GABRR2: variants seen among roughly 807,000 people sequenced by gnomAD.
The protein encoded by GABRR2 is gamma-aminobutyric acid receptor subunit rho-2.
Under a neutral mutation model 47.0 loss-of-function variants are expected in GABRR2, and 36 were observed. That is an observed-to-expected ratio of 0.77 (90% CI 0.59 to 1.01). The LOEUF is 1.01. Ranked by LOEUF, GABRR2 falls within the 50% of genes least tolerant of loss-of-function variation. GABRR2 has a pLI of 0.00. For missense variants in GABRR2, 587 were observed against 594.6 expected (o/e 0.99, Z 0.13); for synonymous variants, 204 against 227.5 (o/e 0.90, Z 0.93).
At chr6:89,279,682 TAA>T (rs199765709) in intron 2 of GABRR2, among the ~76,000 whole-genome samples, 13 of 129,868 alleles carry the variant, frequency 1.0e-4, no homozygotes, top group Admixed American at 3.2e-4. Flanking sequence ...CAAAAAAAGT[TAA>T]AAAAAAAAAA....
chr6:89,269,025 C>G lies in GABRR2; in HGVS notation c.498G>C (p.Val166=), dbSNP rs955863014. The G allele has an allele frequency of 1.2e-6, 2 of 1,613,820 alleles. No homozygotes were observed. The part of the protein sequence containing the change: ...IMLRVFPDGH[V]LYSMRITVTA... Reference sequence around the variant, plus strand: ...CAGACAGCTACCTCATGCTGTACAGCACGTGTCCATCTGGGAACACCCTCA... The same window carrying G: ...CAGACAGCTACCTCATGCTGTACAGGACGTGTCCATCTGGGAACACCCTCA... Residue 166 remains valine (V), a synonymous_variant, in exon 4 of 9, where the codon GTG becomes GTC. Transcript: ENST00000402938.
intron 6 of GABRR2, among the ~76,000 whole-genome samples, chr6:89,266,771 C>A (rs895982850): frequency 6.6e-6 from 1 of 152,196 alleles, no homozygotes; most frequent in Admixed American, 6.5e-5. Context: ...CACAATAACT[C>A]TCCATTCCCC....
At chr6:89,267,970 C>T (rs1252971615) in intron 5 of GABRR2, 44 bp downstream of exon 5, 26 of 1,592,828 alleles carry the variant, frequency 1.6e-5, no homozygotes, top group Non-Finnish European at 2.2e-5. Context: ...GCACAAAGAT[C>T]AGAGAGGAAA....
chr6:89,280,932 C>G (rs1329399605), intron 2 of GABRR2, among the ~76,000 whole-genome samples: 1 of 152,256 alleles, frequency 6.6e-6, no homozygotes, highest in East Asian at 1.9e-4. Context: ...TCTCACAAGG[C>G]TTCGCCTTAG....
At chr6:89,312,941 C>T (rs761989098) in intron 1 of GABRR2, among the ~76,000 whole-genome samples, 11 of 152,212 alleles carry the variant, frequency 7.2e-5, no homozygotes, top group Non-Finnish European at 1.5e-4. Flanking sequence ...CAGGCTCATG[C>T]GCGGGTTTGG....
chr6:89,280,247 T>TATATATATATATATATAC (rs1271132149), intron 2 of GABRR2, among the ~76,000 whole-genome samples: 83 of 101,212 alleles, frequency 8.2e-4, no homozygotes, highest in East Asian at 2.0e-3. Flanking sequence ...TATATATATA[T>TATATATATATATATATAC]ATATATACAT....
intron 2 of GABRR2, among the ~76,000 whole-genome samples, chr6:89,285,433 G>A (rs930870302): frequency 2.0e-5 from 3 of 152,172 alleles, no homozygotes; most frequent in Non-Finnish European, 4.4e-5. Context: ...CATGGTGAGG[G>A]CCGGCTCCTA....
chr6:89,271,341 C>A (rs1039945110), intron 3 of GABRR2, among the ~76,000 whole-genome samples: 1 of 152,184 alleles, frequency 6.6e-6, no homozygotes, highest in African/African-American at 2.4e-5. Flanking sequence ...ACCTCCAGTA[C>A]CCCACCAGGT....
intron 1 of GABRR2, among the ~76,000 whole-genome samples, chr6:89,307,409 A>G (rs79671740): frequency 0.024 from 3,726 of 152,348 alleles, 122 homozygotes; most frequent in African/African-American, 0.08. Context: ...GCTACAGATT[A>G]TAATCACCTG....
intron 2 of GABRR2, among the ~76,000 whole-genome samples, chr6:89,279,173 T>C (rs1198918254): frequency 6.6e-6 from 1 of 152,158 alleles, no homozygotes; most frequent in Non-Finnish European, 1.5e-5. Context: ...TGGCCCTGCA[T>C]CCCCTCTCTG....
Position 89,289,159 on chromosome 6 carries a change from G to A in GABRR2, c.220+10600C>T, listed in dbSNP as rs551850874. Among the ~76,000 whole-genome samples, 11 of 152,332 alleles carry A rather than the reference G, an allele frequency of 7.2e-5. No individual in the cohort carries two copies. The East Asian group carries it at 1.5e-3, about 21-fold the overall frequency. Reference sequence around the variant, plus strand: ...AGAGGGGTGCTGTGAACAAATGCTCGCAGGCAGAAAGAAGCACAGATGTGC... The same window carrying A: ...AGAGGGGTGCTGTGAACAAATGCTCACAGGCAGAAAGAAGCACAGATGTGC... On this transcript the variant is annotated intron_variant, in intron 2 of 8. Coordinates refer to ENST00000402938, the MANE Select transcript of GABRR2 (RefSeq NM_002043.5).
intron 3 of GABRR2, chr6:89,269,452 C>G (rs529888816): frequency 3.6e-6 from 2 of 556,810 alleles, no homozygotes; most frequent in Admixed American, 6.2e-5. Context: ...ACTGAGCAAC[C>G]AGCCCCTCAG....
intron 1 of GABRR2, chr6:89,302,465 C>A: frequency 1.6e-6 from 1 of 616,040 alleles, no homozygotes. Context: ...CTGACATTGG[C>A]CACCATGAGC....
rs149387393 is a variant in GABRR2, at chr6:89,281,395, A to T, written c.221-9673T>A. 1.6e-4 allele frequency among the ~76,000 whole-genome samples: 25 copies of T among 152,344 alleles called. No individual in the cohort carries two copies. In the East Asian group the frequency reaches 4.8e-3, roughly 29 times the overall value. On this transcript the variant is annotated intron_variant, in intron 2 of 8. Transcript: ENST00000402938. ...AGACAGCTTTTGCTGAATTTAGGCC[A>T]CAGGCACTGGAGAAAGCATCACCAA...
chr6:89,265,737 G>A lies in GABRR2; in HGVS notation c.765C>T (p.Phe255=). The A allele has an allele frequency of 6.2e-7, 1 of 1,614,138 alleles. No individual in the cohort carries two copies. Among genetic ancestry groups the A allele is most frequent in the East Asian group, 2.2e-5 (1 of 44,884 alleles). The change falls in exon 7 of 9, where the codon TTC becomes TTT. Residue 255 remains phenylalanine, a synonymous_variant. Coordinates refer to ENST00000402938, the MANE Select transcript of GABRR2 (RefSeq NM_002043.5). ...TGWYNRLYIN[F]TLRRHIFFFL... Reference sequence around the variant, plus strand: ...AGAAGAAGATGTGGCGACGCAACGTGAAGTTAATGTACAGACGGTTGTACC... The same window carrying A: ...AGAAGAAGATGTGGCGACGCAACGTAAAGTTAATGTACAGACGGTTGTACC...
chr6:89,308,073 C>T (rs1453214551), intron 1 of GABRR2, among the ~76,000 whole-genome samples: 5 of 152,130 alleles, frequency 3.3e-5, no homozygotes, highest in Non-Finnish European at 4.4e-5. Context: ...CCTTGGCCTC[C>T]CAAAGTGCTG....
At chr6:89,284,774 T>C (rs540095596) in intron 2 of GABRR2, among the ~76,000 whole-genome samples, 1 of 152,306 alleles carries the variant, frequency 6.6e-6, no homozygotes, top group South Asian at 2.1e-4. Context: ...AATACATCTG[T>C]GTTGTGTTGT....
chr6:89,259,095 C>G (rs760133107), intron 8 of GABRR2, among the ~76,000 whole-genome samples: 4 of 151,810 alleles, frequency 2.6e-5, no homozygotes, highest in African/African-American at 9.7e-5. Context: ...TTGACTTCTC[C>G]CCATAGTTTA....
intron 1 of GABRR2, chr6:89,302,530 CTGG>C: frequency 3.6e-6 from 3 of 841,754 alleles, no homozygotes; most frequent in Non-Finnish European, 5.6e-6. Context: ...CCTGCACAAG[CTGG>C]TGGTGAACAT....
Sources: gnomAD v4.1 joint callset for allele counts (sites outside exome capture counted in the v4.1 genomes callset) on GRCh38, gnomAD v4.1.1 for gene constraint, MANE v1.5 for transcripts, NCBI Gene and HGNC (gene_info 2026-07-23, HGNC 2026-07-21) for gene names.